The following OTUD7A variants were observed in gnomAD, a reference collection of about 807,000 sequenced individuals.
The protein encoded by OTUD7A is OTU deubiquitinase 7A.
OTUD7A carries 12 observed loss-of-function variants against 65.7 expected under a neutral mutation model. The observed-to-expected ratio is 0.18, with a 90% CI of 0.12 to 0.30. The LOEUF (loss-of-function observed/expected upper bound fraction) is 0.30, where lower values mean the gene tolerates loss of function less well. Among genes scored for constraint, OTUD7A ranks in the 10% least tolerant of loss-of-function variants. The probability of loss-of-function intolerance (pLI) is 1.00; values close to 1 mark genes in which losing one functional copy is unlikely to be tolerated. For synonymous variants in OTUD7A, 641 were observed against 586.3 expected (o/e 1.09, Z -1.35); for missense variants, 1,148 against 1,304.8 (o/e 0.88, Z 1.85).
intron 8 of OTUD7A, among the ~76,000 whole-genome samples, chr15:31,521,000 G>A (rs1357178318): frequency 1.3e-5 from 2 of 152,184 alleles, no homozygotes; most frequent in East Asian, 1.9e-4. Flanking sequence ...ATATGGAAGC[G>A]ATTATCCTCA....
At chr15:31,766,882 C>T in intron 1 of OTUD7A, 2 of 1,610,434 alleles carry the variant, frequency 1.2e-6, no homozygotes, top group Non-Finnish European at 8.5e-7. Context: ...TGCCTCTTTA[C>T]TTGAATTCCC....
At chr15:31,503,497 A>G (rs2041506032) in intron 9 of OTUD7A, among the ~76,000 whole-genome samples, 194 bp downstream of exon 9, 2 of 152,192 alleles carry the variant, frequency 1.3e-5, no homozygotes, top group South Asian at 4.1e-4. Flanking sequence ...CCTGCCGTTG[A>G]TAGGCAGGGC....
chr15:31,755,244 T>C (rs1894778718), intron 1 of OTUD7A, among the ~76,000 whole-genome samples: 2 of 152,010 alleles, frequency 1.3e-5, no homozygotes, highest in Admixed American at 6.6e-5. Flanking sequence ...ATATGTGGCA[T>C]ACATGGTTTT....
chr15:31,503,598 G>T, intron 9 of OTUD7A, 93 bp downstream of exon 9: 1 of 1,520,628 alleles, frequency 6.6e-7, no homozygotes, highest in South Asian at 1.1e-5. Flanking sequence ...TGTGGCCTCT[G>T]GGAGCTCGAC....
In OTUD7A at chr15:31,483,795, G is replaced by C. The variant is rs912001244; in HGVS notation, c.2301C>G (p.Gly767=). The change falls in exon 13 of 13, where the codon GGC becomes GGG. Residue 767 remains glycine, a synonymous_variant. Coordinates refer to ENST00000307050, the MANE Select transcript of OTUD7A (RefSeq NM_001382637.1). ...GGCGCGCTGGCGCCGGGGGGCTGCGGCCAGGCACTGGTCCGCTGGCGCTCG... is the reference window on the plus strand; with the variant it reads ...GGCGCGCTGGCGCCGGGGGGCTGCGCCCAGGCACTGGTCCGCTGGCGCTCG... ...RRASASGPVP[G]RSPPAPARQS... 1 of 1,032,148 alleles carries C rather than the reference G, an allele frequency of 9.7e-7. No individual in the cohort carries two copies. Among genetic ancestry groups the C allele is most frequent in the Non-Finnish European group, 1.2e-6 (1 of 862,636 alleles). 63.9% of individuals were successfully genotyped at this position (1,032,148 alleles called of 1,614,324 possible).
intron 1 of OTUD7A, among the ~76,000 whole-genome samples, chr15:31,729,034 C>T (rs1021159511): frequency 5.9e-5 from 9 of 152,150 alleles, no homozygotes; most frequent in East Asian, 1.9e-4. Flanking sequence ...TTTGAGAGGG[C>T]GACAGAAACC....
At chr15:31,582,482 G>A (rs1238954643) in intron 3 of OTUD7A, among the ~76,000 whole-genome samples, 1 of 152,186 alleles carries the variant, frequency 6.6e-6, no homozygotes, top group African/African-American at 2.4e-5. Flanking sequence ...TGGGTAATTT[G>A]TAGAGGAAAC....
intron 1 of OTUD7A, among the ~76,000 whole-genome samples, chr15:31,658,759 G>A (rs1289800135): frequency 6.6e-6 from 1 of 151,954 alleles, no homozygotes; most frequent in Non-Finnish European, 1.5e-5. Flanking sequence ...CAGGTGCGGT[G>A]GCTTACACCT....
Position 31,484,164 on chromosome 15 carries a change from G to A in OTUD7A, c.1932C>T (p.Phe644=), listed in dbSNP as rs2041193521. 3 of 1,610,312 alleles carry A rather than the reference G, an allele frequency of 1.9e-6. No homozygotes were observed. The highest frequency in any genetic ancestry group is 1.3e-5 in the African/African-American group (1 of 74,874). Reference sequence around the variant, plus strand: ...GGTGGCTGGTGAGCAGCAGGCCGGCGAAGATGAACTTGCGCTCCCCCTGCA... The same window carrying A: ...GGTGGCTGGTGAGCAGCAGGCCGGCAAAGATGAACTTGCGCTCCCCCTGCA... The part of the protein sequence containing the change: ...AAMQGERKFI[F]AGLLLTSHRH... Residue 644 remains phenylalanine (F), a synonymous_variant, in exon 13 of 13, where the codon TTC becomes TTT. Transcript: ENST00000307050. The surrounding 1 kb of genome is among the most constrained non-coding windows in gnomAD (Gnocchi z 4.5).
At chr15:31,538,621 T>C (rs911044795) in intron 5 of OTUD7A, among the ~76,000 whole-genome samples, 3 of 152,224 alleles carry the variant, frequency 2.0e-5, no homozygotes, top group African/African-American at 7.2e-5. Context: ...GTTGAGTTTG[T>C]GGCAAGCCAA....
intron 1 of OTUD7A, among the ~76,000 whole-genome samples, chr15:31,728,955 T>C (rs1893967572): frequency 6.6e-6 from 1 of 152,236 alleles, no homozygotes; most frequent in Admixed American, 6.5e-5. Context: ...AGTCCTGCCT[T>C]ATCTGTGGTT....
intron 3 of OTUD7A, among the ~76,000 whole-genome samples, chr15:31,650,039 CT>C (rs202004327): frequency 0.14 from 14,706 of 105,780 alleles, 1,715 homozygotes; most frequent in East Asian, 0.49. Context: ...CTAATTTATC[CT>C]TTTTTTTTTT....
intron 1 of OTUD7A, among the ~76,000 whole-genome samples, chr15:31,822,262 G>A (rs1307962944): frequency 6.6e-6 from 1 of 152,186 alleles, no homozygotes; most frequent in Non-Finnish European, 1.5e-5. Context: ...AGTGAGAAAC[G>A]GAGCCATGTA....
intron 1 of OTUD7A, among the ~76,000 whole-genome samples, chr15:31,718,362 T>C (rs1893648975): frequency 2.0e-5 from 3 of 152,182 alleles, no homozygotes; most frequent in Admixed American, 2.0e-4. Context: ...TTTCCTTCCT[T>C]TCTCCTACAT....
At chr15:31,581,946 T>C (rs1889385490) in intron 3 of OTUD7A, among the ~76,000 whole-genome samples, 1 of 152,254 alleles carries the variant, frequency 6.6e-6, no homozygotes, top group African/African-American at 2.4e-5. Context: ...CAAACTGTTA[T>C]GCTCTGCTTC....
At chr15:31,633,782 C>T (rs1407150632) in intron 3 of OTUD7A, among the ~76,000 whole-genome samples, 1 of 152,092 alleles carries the variant, frequency 6.6e-6, no homozygotes, top group Non-Finnish European at 1.5e-5. Context: ...GCCTGGACCC[C>T]ATAAAGGCTT....
chr15:31,811,298 A>ATG (rs939906697), intron 1 of OTUD7A, among the ~76,000 whole-genome samples: 10 of 151,536 alleles, frequency 6.6e-5, no homozygotes, highest in Admixed American at 6.6e-4. Context: ...GGTTGATTTG[A>ATG]TGTGTGTGTG....
At chr15:31,537,562 T>C (rs1372189208) in intron 5 of OTUD7A, among the ~76,000 whole-genome samples, 11 of 152,234 alleles carry the variant, frequency 7.2e-5, no homozygotes, top group African/African-American at 2.7e-4. Context: ...CGCAGTTACT[T>C]AGTCACTTCT....
At chr15:31,646,607 T>C (rs4094381) in intron 3 of OTUD7A, among the ~76,000 whole-genome samples, 10,586 of 151,918 alleles carry the variant, frequency 0.07, 421 homozygotes, top group Middle Eastern at 0.086. Context: ...ATTACAGGTA[T>C]GCACCACCAC....
Sources: gnomAD v4.1 joint callset for allele counts (sites outside exome capture counted in the v4.1 genomes callset) on GRCh38, gnomAD v4.1.1 for gene constraint, Gnocchi (gnomAD v3.1) non-coding constraint, MANE v1.5 for transcripts, NCBI Gene and HGNC (gene_info 2026-07-23, HGNC 2026-07-21) for gene names.